The following RHBDD1 variants were observed in gnomAD, a reference collection of about 807,000 sequenced individuals.
RHBDD1 encodes rhomboid domain containing 1.
In RHBDD1, 38 loss-of-function variants were observed where a neutral mutation model predicts 36.3. The observed-to-expected ratio is 1.05, with a 90% CI of 0.81 to 1.37. The LOEUF (loss-of-function observed/expected upper bound fraction) is 1.37, where lower values mean the gene tolerates loss of function less well. RHBDD1 is among the 40% of genes most tolerant of loss of function. The probability of loss-of-function intolerance (pLI) is 0.00; values close to 1 mark genes in which losing one functional copy is unlikely to be tolerated. For synonymous variants in RHBDD1, 151 were observed against 136.5 expected (o/e 1.11, Z -0.74); for missense variants, 393 against 377.6 (o/e 1.04, Z -0.34).
chr2:226,966,295 C>G (rs187795723), intron 8 of RHBDD1, among the ~76,000 whole-genome samples: 2 of 152,164 alleles, frequency 1.3e-5, no homozygotes, highest in Non-Finnish European at 2.9e-5. Context: ...CACTCTTCAC[C>G]GTAAGGCTCA....
the RHBDD1 span, among the ~76,000 whole-genome samples, chr2:226,810,620 G>C: frequency 6.7e-6 from 1 of 149,148 alleles, no homozygotes. Flanking sequence ...CTCATTAAGT[G>C]AAAGTGGAGC....
intron 5 of RHBDD1, among the ~76,000 whole-genome samples, chr2:226,906,448 T>C (rs1345190572): frequency 6.6e-6 from 1 of 152,088 alleles, no homozygotes; most frequent in Admixed American, 6.6e-5. Context: ...GAAAACTGAT[T>C]TTATTTATGT....
upstream of RHBDD1, chr2:226,835,926 G>T (rs1365353485): frequency 6.6e-6 from 1 of 152,410 alleles, no homozygotes; most frequent in African/African-American, 2.4e-5. Context: ...ACAGCAGAGC[G>T]CGGGCGCGCA....
chr2:226,914,194 C>T lies in RHBDD1; in HGVS notation c.713-14C>T, dbSNP rs1948729033. ...CCATAGCTGTGTTCTAGAACCTTTT[C>T]CTTGTGCCTTTAGGCAGCTCTGGAT... On this transcript the variant is annotated splice_polypyrimidine_tract_variant and intron_variant, in intron 7 of 8. Coordinates refer to ENST00000392062, the MANE Select transcript of RHBDD1 (RefSeq NM_001167608.3). 6.2e-7 allele frequency: 1 copy of T among 1,612,820 alleles called. No homozygotes were observed. The highest frequency in any genetic ancestry group is 8.5e-7 in the Non-Finnish European group (1 of 1,179,268).
chr2:226,901,531 G>A lies in RHBDD1; in HGVS notation c.567-5262G>A, dbSNP rs535203083. Among the ~76,000 whole-genome samples the A allele has an allele frequency of 7.3e-4, 111 of 152,188 alleles. 1 individual carries two copies. The highest frequency in any genetic ancestry group is 2.6e-3 in the African/African-American group (108 of 41,518). On this transcript the variant is annotated intron_variant, in intron 5 of 8. Coordinates refer to ENST00000392062, the MANE Select transcript of RHBDD1 (RefSeq NM_001167608.3). ...GTATCAGTGTTGCCTTTACATCCTT[G>A]CCCACACTTGTTGTATCATTTGATT...
intron 8 of RHBDD1, among the ~76,000 whole-genome samples, chr2:226,947,162 C>G (rs1049953642): frequency 6.6e-6 from 1 of 151,490 alleles, no homozygotes. Flanking sequence ...GTGTTTTGGA[C>G]ATGAAGTCCT....
At chr2:226,989,048 G>T (rs1957610133) in intron 8 of RHBDD1, among the ~76,000 whole-genome samples, 1 of 152,244 alleles carries the variant, frequency 6.6e-6, no homozygotes, top group African/African-American at 2.4e-5. Flanking sequence ...TGATGTAGGG[G>T]CTGAGGAAGA....
chr2:226,953,697 G>A (rs1211817459), intron 8 of RHBDD1, among the ~76,000 whole-genome samples: 4 of 152,208 alleles, frequency 2.6e-5, no homozygotes, highest in Admixed American at 2.6e-4. Flanking sequence ...TTAAAGGATT[G>A]TCAGTAAGAT....
intron 8 of RHBDD1, among the ~76,000 whole-genome samples, chr2:226,974,043 T>C (rs562611207): frequency 6.0e-4 from 92 of 152,250 alleles, no homozygotes; most frequent in African/African-American, 2.2e-3. Flanking sequence ...CTTACCCAGT[T>C]TGTCAGGCTT....
intron 7 of RHBDD1, among the ~76,000 whole-genome samples, chr2:226,909,363 T>C (rs1948348855): frequency 6.6e-6 from 1 of 152,168 alleles, no homozygotes; most frequent in Non-Finnish European, 1.5e-5. Context: ...TGTAAATAGA[T>C]AGAAAAGACT....
At chr2:226,927,138 G>T (rs147692424) in intron 8 of RHBDD1, among the ~76,000 whole-genome samples, 1 of 152,102 alleles carries the variant, frequency 6.6e-6, no homozygotes, top group African/African-American at 2.4e-5. Context: ...AACAAGCACT[G>T]TTCTCTTCTC....
At chr2:226,847,839 CCT>C (rs1194525544) in intron 3 of RHBDD1, among the ~76,000 whole-genome samples, 2 of 152,202 alleles carry the variant, frequency 1.3e-5, no homozygotes, top group African/African-American at 4.8e-5. Flanking sequence ...GCAGTTTTCG[CCT>C]CTCTGTGAAT....
At chr2:226,962,943 C>T (rs1195638298) in intron 8 of RHBDD1, among the ~76,000 whole-genome samples, 1 of 152,152 alleles carries the variant, frequency 6.6e-6, no homozygotes, top group Non-Finnish European at 1.5e-5. Flanking sequence ...AGCAGGGGTT[C>T]TCAACCTTGG....
chr2:226,833,096 GT>G (rs1940782222), upstream of RHBDD1, among the ~76,000 whole-genome samples: 1 of 152,126 alleles, frequency 6.6e-6, no homozygotes, highest in Admixed American at 6.5e-5. Context: ...GTTAAGTATT[GT>G]TGGTATTATT....
intron 3 of RHBDD1, among the ~76,000 whole-genome samples, chr2:226,852,922 A>G (rs190845567): frequency 0.049 from 7,092 of 146,160 alleles, 564 homozygotes; most frequent in African/African-American, 0.16. Flanking sequence ...TATTATTATT[A>G]TTATTATTAT....
At chr2:226,956,472 C>G (rs2149246159) in intron 8 of RHBDD1, among the ~76,000 whole-genome samples, 1 of 152,274 alleles carries the variant, frequency 6.6e-6, no homozygotes, top group Non-Finnish European at 1.5e-5. Context: ...TCACCAGTCC[C>G]CAAGTTCTCC....
At chr2:226,832,635 C>G (rs1032076555), upstream of RHBDD1, among the ~76,000 whole-genome samples, 4 of 152,176 alleles carry the variant, frequency 2.6e-5, no homozygotes, top group African/African-American at 7.2e-5. Context: ...GAATTTAGGG[C>G]TCTGTTACTG....
At chr2:226,849,775 ATATATC>A (rs966470585) in intron 3 of RHBDD1, among the ~76,000 whole-genome samples, 133 of 152,276 alleles carry the variant, frequency 8.7e-4, no homozygotes, top group African/African-American at 2.9e-3. Context: ...ATCTATATCT[ATATATC>A]TATATCTATA....
chr2:226,878,729 T>C (rs1459308585), intron 5 of RHBDD1, among the ~76,000 whole-genome samples: 1 of 152,134 alleles, frequency 6.6e-6, no homozygotes, highest in African/African-American at 2.4e-5. Flanking sequence ...CCTTCTGAAT[T>C]CCTGACCCAC....
Sources: gnomAD v4.1 joint callset for allele counts (sites outside exome capture counted in the v4.1 genomes callset) on GRCh38, gnomAD v4.1.1 for gene constraint, MANE v1.5 for transcripts, NCBI Gene and HGNC (gene_info 2026-07-23, HGNC 2026-07-21) for gene names.